POU6F2: variants seen among roughly 807,000 people sequenced by gnomAD.
POU6F2 encodes POU class 6 homeobox 2.
A neutral mutation model predicts 71.3 loss-of-function variants in POU6F2; 31 were observed. That is an observed-to-expected ratio of 0.43 (90% confidence interval 0.33 to 0.59). The LOEUF (loss-of-function observed/expected upper bound fraction) is 0.59, where lower values mean the gene tolerates loss of function less well. POU6F2 is among the 20% of genes least tolerant of loss of function. The pLI is 0.04. For synonymous variants in POU6F2, 347 were observed against 355.7 expected (o/e 0.98, Z 0.27); for missense variants, 783 against 856.8 (o/e 0.91, Z 1.07).
intron 1 of POU6F2, among the ~76,000 whole-genome samples, chr7:39,065,580 T>C (rs1365641690): frequency 6.6e-6 from 1 of 151,006 alleles, no homozygotes; most frequent in Admixed American, 6.6e-5. Context: ...CTAAACAACA[T>C]AAAATAGGGG....
intron 2 of POU6F2, among the ~76,000 whole-genome samples, chr7:39,133,112 A>G (rs922645717): frequency 6.6e-6 from 1 of 152,260 alleles, no homozygotes; most frequent in Admixed American, 6.5e-5. Context: ...CCTATCAAAT[A>G]TAAATTCTGA....
intron 2 of POU6F2, among the ~76,000 whole-genome samples, chr7:39,120,144 C>T (rs1259750881): frequency 1.3e-5 from 2 of 152,134 alleles, no homozygotes; most frequent in Non-Finnish European, 2.9e-5. Flanking sequence ...AAATTCAGTT[C>T]TATATTATAC....
At chr7:39,167,446 T>G (rs1413799564) in intron 2 of POU6F2, among the ~76,000 whole-genome samples, 1 of 152,112 alleles carries the variant, frequency 6.6e-6, no homozygotes, top group Non-Finnish European at 1.5e-5. Context: ...TTACAAATAT[T>G]AATTTACCTG....
intron 6 of POU6F2, among the ~76,000 whole-genome samples, chr7:39,412,390 A>G (rs1211640803): frequency 6.6e-6 from 1 of 152,232 alleles, no homozygotes; most frequent in African/African-American, 2.4e-5. Flanking sequence ...ATAAAGTTGT[A>G]GTAAATGCAA....
chr7:38,982,356 A>G (rs918893219), intron 1 of POU6F2, among the ~76,000 whole-genome samples: 36 of 152,154 alleles, frequency 2.4e-4, no homozygotes, highest in African/African-American at 8.4e-4. Context: ...GATGGATGGT[A>G]TACTAGAAAA....
chr7:39,130,180 G>C (rs1026424894), intron 2 of POU6F2, among the ~76,000 whole-genome samples: 1 of 130,008 alleles, frequency 7.7e-6, no homozygotes, highest in African/African-American at 2.9e-5. Context: ...GTGTGTGTGT[G>C]TTTTAATGTC....
At chr7:39,385,320 C>T (rs1304834414) in intron 5 of POU6F2, among the ~76,000 whole-genome samples, 4 of 152,172 alleles carry the variant, frequency 2.6e-5, no homozygotes, top group South Asian at 2.1e-4. Flanking sequence ...TCAACAAACA[C>T]CCATTGCTTG....
intron 2 of POU6F2, among the ~76,000 whole-genome samples, chr7:39,191,077 C>G (rs749326958): frequency 2.0e-5 from 3 of 152,196 alleles, no homozygotes; most frequent in Non-Finnish European, 2.9e-5. Context: ...TGCCATAACT[C>G]ACTGATATAT....
chr7:39,464,091 CG>C lies in POU6F2; in HGVS notation c.1659-90del. ...GCTGGCTATTAACCTGCAGTAAATT[CG>C]CCCTGCCAGGCAGTCAGGCAGGCAG... is the stretch of plus-strand genomic sequence containing the variant. On this transcript the variant is annotated intron_variant, in intron 9 of 9. Transcript: ENST00000518318. This position sits in a 1 kb window ranked among gnomAD's most constrained non-coding sequence, Gnocchi z 4.1. 1 of 1,481,128 alleles carries C rather than the reference CG, an allele frequency of 6.8e-7. No individual in the cohort carries two copies. Among genetic ancestry groups the C allele is most frequent in the Non-Finnish European group, 9.2e-7 (1 of 1,092,846 alleles). The allele number at this position is 1,481,128 out of a possible 1,614,324, so 91.7% of individuals were successfully genotyped here.
At chr7:39,163,617 C>T (rs1562729378) in intron 2 of POU6F2, among the ~76,000 whole-genome samples, 2 of 152,184 alleles carry the variant, frequency 1.3e-5, no homozygotes, top group African/African-American at 2.4e-5. Context: ...CTCTTGGTTT[C>T]AGTTTCATCT....
At chr7:39,001,611 G>A (rs1273531651) in intron 1 of POU6F2, among the ~76,000 whole-genome samples, 1 of 152,188 alleles carries the variant, frequency 6.6e-6, no homozygotes, top group East Asian at 1.9e-4. Flanking sequence ...AGGTTGCATG[G>A]TCAACCTGTT....
chr7:39,261,890 A>G (rs367577686), intron 4 of POU6F2, among the ~76,000 whole-genome samples: 1 of 152,236 alleles, frequency 6.6e-6, no homozygotes, highest in East Asian at 1.9e-4. Context: ...TGTAAAGGAA[A>G]TGAGCCAGTA....
At chr7:39,119,667 A>C (rs1297516101) in intron 2 of POU6F2, among the ~76,000 whole-genome samples, 1 of 152,212 alleles carries the variant, frequency 6.6e-6, no homozygotes, top group Non-Finnish European at 1.5e-5. Context: ...CAAGATAAAC[A>C]GTTTTCTCTT....
intron 6 of POU6F2, among the ~76,000 whole-genome samples, chr7:39,425,705 A>G (rs571764956): frequency 6.6e-6 from 1 of 152,296 alleles, no homozygotes. Flanking sequence ...AGCTTCTTAA[A>G]TTATCTCTTC....
chr7:39,006,146 A>G (rs1486705025), intron 1 of POU6F2, among the ~76,000 whole-genome samples: 1 of 152,126 alleles, frequency 6.6e-6, no homozygotes, highest in Non-Finnish European at 1.5e-5. Flanking sequence ...ACCTGATCAC[A>G]TTTTTAAGTC....
intron 1 of POU6F2, among the ~76,000 whole-genome samples, chr7:39,054,940 A>C (rs1481627887): frequency 1.3e-5 from 2 of 152,166 alleles, no homozygotes; most frequent in East Asian, 1.9e-4. Flanking sequence ...ATTACCCTCA[A>C]GATAAGAAAA....
At chr7:39,108,555 A>C (rs187194067) in intron 2 of POU6F2, among the ~76,000 whole-genome samples, 237 of 152,250 alleles carry the variant, frequency 1.6e-3, no homozygotes, top group African/African-American at 4.9e-3. Context: ...AAACTTGATC[A>C]TGTTCCCCCA....
At chr7:39,050,188 A>G (rs759249006) in intron 1 of POU6F2, among the ~76,000 whole-genome samples, 1 of 151,076 alleles carries the variant, frequency 6.6e-6, no homozygotes, top group Non-Finnish European at 1.5e-5. Context: ...TTTTCCCCCA[A>G]CCCCCTTGCC....
At chr7:39,076,727 C>T (rs1478156532) in intron 1 of POU6F2, among the ~76,000 whole-genome samples, 1 of 152,088 alleles carries the variant, frequency 6.6e-6, no homozygotes, top group Non-Finnish European at 1.5e-5. Context: ...TAGGTCTTCC[C>T]CTATCTCCCT....
Sources: allele counts gnomAD v4.1 joint callset (sites outside exome capture counted in the v4.1 genomes callset), GRCh38; gene constraint gnomAD v4.1.1; non-coding constraint Gnocchi (gnomAD v3.1); transcripts MANE v1.5; gene names NCBI Gene and HGNC (gene_info 2026-07-23, HGNC 2026-07-21).